HS6ST2: variants seen among roughly 807,000 people sequenced by gnomAD.
HS6ST2 encodes heparan sulfate 6-O-sulfotransferase 2.
Under a neutral mutation model 33.0 loss-of-function variants are expected in HS6ST2, and 17 were observed. The ratio of observed to expected loss-of-function variants is 0.52; its 90% CI spans 0.35 to 0.77. The LOEUF (loss-of-function observed/expected upper bound fraction) is 0.77, where lower values mean the gene tolerates loss of function less well. HS6ST2 is among the 30% of genes least tolerant of loss of function. The pLI is 0.01. For synonymous variants in HS6ST2, 248 were observed against 237.1 expected (o/e 1.05, Z -0.42); for missense variants, 519 against 551.7 (o/e 0.94, Z 0.59).
At chrX:132,850,519 C>T (rs1285633766) in intron 2 of HS6ST2, among the ~76,000 whole-genome samples, 1 of 111,081 alleles carries the variant, frequency 9.0e-6, no homozygotes, top group Non-Finnish European at 1.9e-5. Context: ...GAGGGGAGCA[C>T]CTATGAATCA....
intron 2 of HS6ST2, among the ~76,000 whole-genome samples, chrX:132,835,624 T>C (rs1441186952): frequency 8.9e-6 from 1 of 112,346 alleles, no homozygotes; most frequent in African/African-American, 3.2e-5. Context: ...ACCAGATTGA[T>C]AAGAAATCTG....
chrX:132,637,907 T>C (rs1326795799), intron 4 of HS6ST2, among the ~76,000 whole-genome samples: 3 of 51,285 alleles, frequency 5.8e-5, no homozygotes, highest in African/African-American at 2.2e-4. Context: ...TATAATATTA[T>C]ATATAATATT....
chrX:132,637,900 A>AATATATATATAATATTTTATATAT (rs1215311045), intron 4 of HS6ST2, among the ~76,000 whole-genome samples: 1 of 45,658 alleles, frequency 2.2e-5, no homozygotes, highest in Non-Finnish European at 3.0e-5. Context: ...TTTTATATAT[A>AATATATATATAATATTTTATATAT]ATATTATATA....
chrX:132,837,531 A>G (rs1168348987), intron 2 of HS6ST2, among the ~76,000 whole-genome samples: 1 of 111,770 alleles, frequency 8.9e-6, no homozygotes, highest in Non-Finnish European at 1.9e-5. Flanking sequence ...CTTCACTCTG[A>G]TTGAGTTCAG....
intron 2 of HS6ST2, among the ~76,000 whole-genome samples, chrX:132,817,466 T>C (rs1343449431): frequency 9.0e-6 from 1 of 111,153 alleles, no homozygotes; most frequent in Non-Finnish European, 1.9e-5. Flanking sequence ...GAACACTGAT[T>C]GAAAGTAAAA....
chrX:132,785,608 C>T (rs113793102), intron 2 of HS6ST2, among the ~76,000 whole-genome samples: 83 of 111,747 alleles, frequency 7.4e-4, no homozygotes, highest in African/African-American at 2.5e-3. Context: ...GCTTCTAACA[C>T]GATCGCTGAA....
At chrX:132,658,811 G>A (rs2063749603) in intron 4 of HS6ST2, among the ~76,000 whole-genome samples, 1 of 112,248 alleles carries the variant, frequency 8.9e-6, no homozygotes, top group South Asian at 3.7e-4. Context: ...GGCTTAGCCA[G>A]ACTTGCCTCC....
intron 2 of HS6ST2, among the ~76,000 whole-genome samples, chrX:132,765,720 G>A (rs1325956732): frequency 1.8e-5 from 2 of 111,763 alleles, no homozygotes; most frequent in Non-Finnish European, 3.8e-5. Flanking sequence ...CAAAGTGCTG[G>A]GATTAGAGGC....
intron 2 of HS6ST2, among the ~76,000 whole-genome samples, chrX:132,894,449 A>C (rs2066351603): frequency 9.4e-6 from 1 of 106,892 alleles, no homozygotes; most frequent in Admixed American, 1.0e-4. Flanking sequence ...CCCGGGTTTC[A>C]GATTTTTTGA....
intron 2 of HS6ST2, among the ~76,000 whole-genome samples, chrX:132,826,168 A>G (rs2065517434): frequency 8.9e-6 from 1 of 112,684 alleles, no homozygotes; most frequent in African/African-American, 3.2e-5. Flanking sequence ...GCTGCACTGC[A>G]CCCTTTTGTC....
chrX:132,798,048 G>C (rs1163670130), intron 2 of HS6ST2, among the ~76,000 whole-genome samples: 1 of 73,248 alleles, frequency 1.4e-5, no homozygotes, highest in Non-Finnish European at 2.5e-5. Flanking sequence ...GTTGAAAGAA[G>C]GAGGTAGGGC....
At chrX:132,842,506 A>T (rs1728631665) in intron 2 of HS6ST2, among the ~76,000 whole-genome samples, 1 of 112,006 alleles carries the variant, frequency 8.9e-6, no homozygotes, top group Non-Finnish European at 1.9e-5. Context: ...CTAAACTATC[A>T]GGAAAATATT....
chrX:132,703,192 A>T (rs2064159160), intron 3 of HS6ST2, among the ~76,000 whole-genome samples: 1 of 112,261 alleles, frequency 8.9e-6, no homozygotes, highest in African/African-American at 3.2e-5. Flanking sequence ...TAGCTCTGAC[A>T]GGAGCTCTGG....
At chrX:132,861,731 C>T (rs1336150741) in intron 2 of HS6ST2, among the ~76,000 whole-genome samples, 1 of 112,135 alleles carries the variant, frequency 8.9e-6, no homozygotes, top group South Asian at 3.6e-4. Flanking sequence ...TGTCTGTTCA[C>T]GTTCTTTTCC....
At position 132,881,550 on chromosome X, in the gene HS6ST2, A is replaced by G. The variant is rs2066173801; in HGVS notation, c.947+75258T>C. ...CCCTTTGTCAGATGGGTAGATTGCA[A>G]AAATTTTCTCCTATTCTGTAGGTTG... is the stretch of plus-strand genomic sequence containing the variant. On this transcript the variant is annotated intron_variant, in intron 2 of 4. Coordinates refer to ENST00000370833, the MANE Select transcript of HS6ST2 (RefSeq NM_001394073.1). 4.5e-5 allele frequency among the ~76,000 whole-genome samples: 5 copies of G among 111,566 alleles called. No homozygotes were observed. The South Asian group carries it at 1.9e-3, about 42-fold the overall frequency.
intron 3 of HS6ST2, 109 bp from the exon 4 acceptor site, chrX:132,669,308 C>A (rs1354639586): frequency 9.6e-6 from 5 of 523,524 alleles, no homozygotes; most frequent in Middle Eastern, 5.4e-4. Context: ...CATATCCCCC[C>A]ACCACCCCCT....
intron 2 of HS6ST2, among the ~76,000 whole-genome samples, chrX:132,798,409 C>T (rs1338207372): frequency 2.7e-5 from 3 of 111,204 alleles, no homozygotes; most frequent in Non-Finnish European, 5.7e-5. Flanking sequence ...CACAAGTCAA[C>T]GCTTGTCTCA....
At chrX:132,948,767 T>C (rs2066980555) in intron 2 of HS6ST2, among the ~76,000 whole-genome samples, 1 of 112,398 alleles carries the variant, frequency 8.9e-6, no homozygotes, top group Non-Finnish European at 1.9e-5. Context: ...ATTAAGTGGA[T>C]TATTCATTAT....
intron 2 of HS6ST2, among the ~76,000 whole-genome samples, chrX:132,783,611 C>G (rs987592984): frequency 7.1e-4 from 79 of 111,014 alleles, no homozygotes; most frequent in African/African-American, 2.4e-3. Context: ...TTTCTTTCAC[C>G]CAAATGCACA....
Sources: allele counts gnomAD v4.1 joint callset (sites outside exome capture counted in the v4.1 genomes callset), GRCh38; gene constraint gnomAD v4.1.1; transcripts MANE v1.5; gene names NCBI Gene and HGNC (gene_info 2026-07-23, HGNC 2026-07-21).